PRMT3: variants seen among roughly 807,000 people sequenced by gnomAD.
PRMT3 encodes protein arginine N-methyltransferase 3.
PRMT3 carries 62 observed loss-of-function variants against 71.9 expected under a neutral mutation model. The observed-to-expected ratio is 0.86, with a 90% CI of 0.70 to 1.07. The LOEUF is 1.07. Among genes scored for constraint, PRMT3 ranks in the 50% least tolerant of loss-of-function variants. The pLI is 0.00. For missense variants in PRMT3, 663 were observed against 643.0 expected, an observed-to-expected ratio of 1.03 and a Z score of -0.34; for synonymous variants, 213 against 220.4, an observed-to-expected ratio of 0.97 and a Z score of 0.30.
In PRMT3 at chr11:20,389,775, C is replaced by T; in HGVS notation, c.196C>T (p.His66Tyr). 1 of 1,612,204 alleles carries T rather than the reference C, an allele frequency of 6.2e-7. No homozygotes were observed. Among genetic ancestry groups the T allele is most frequent in the Non-Finnish European group, 8.5e-7 (1 of 1,178,550 alleles). ...LFTSAEETFS[H>Y]CKSEHQFNID... Reference sequence around the variant, plus strand: ...CACATCTGCTGAAGAAACATTTTCACACTGTAAGTCTGAGCATCAGTTTAA... The same window carrying T: ...CACATCTGCTGAAGAAACATTTTCATACTGTAAGTCTGAGCATCAGTTTAA... Residue 66 changes from histidine to tyrosine, a missense_variant, in exon 3 of 16, where the codon CAC becomes TAC. Transcript: ENST00000331079.
intron 13 of PRMT3, 48 bp downstream of exon 13, chr11:20,464,594 G>A (rs1350302328): frequency 1.2e-6 from 2 of 1,601,500 alleles, no homozygotes; most frequent in Non-Finnish European, 1.7e-6. Flanking sequence ...CAGTGCAGTT[G>A]ATTGGCAGGC....
chr11:20,494,348 TTG>T lies in PRMT3; in HGVS notation c.1486+96_1486+97del, dbSNP rs1851285185. ...GCCACTTTTTATGTGCACACTATATTTGTTTTTTGAGACGGAGTCTCGCTGTC... is the reference window on the plus strand; with the variant it reads ...GCCACTTTTTATGTGCACACTATATTTTTTTTGAGACGGAGTCTCGCTGTC... On this transcript the variant is annotated intron_variant, in intron 15 of 15. Transcript: ENST00000331079. 4.5e-6 allele frequency: 5 copies of T among 1,119,378 alleles called. No individual in the cohort carries two copies. The Admixed American group carries it at 1.1e-4, about 24-fold the overall frequency. The allele number at this position is 1,119,378 out of a possible 1,614,324, so 69.3% of individuals were successfully genotyped here. A position where few individuals can be genotyped will look rare whatever the true frequency, so the allele number is the denominator to read the frequency against.
chr11:20,412,272 G>A (rs1044807662), intron 9 of PRMT3, among the ~76,000 whole-genome samples: 1 of 151,954 alleles, frequency 6.6e-6, no homozygotes, highest in African/African-American at 2.4e-5. Context: ...CATTATTTTT[G>A]CCAATCATTA....
At chr11:20,452,982 G>A (rs1221026067) in intron 11 of PRMT3, among the ~76,000 whole-genome samples, 1 of 152,148 alleles carries the variant, frequency 6.6e-6, no homozygotes, top group African/African-American at 2.4e-5. Flanking sequence ...TGAATGGCAT[G>A]TTCCTCCTTC....
intron 13 of PRMT3, among the ~76,000 whole-genome samples, chr11:20,471,519 T>C (rs1009029621): frequency 6.6e-6 from 1 of 152,132 alleles, no homozygotes; most frequent in African/African-American, 2.4e-5. Context: ...ATCAGTTGAT[T>C]GAAGGTGTGA....
At chr11:20,404,233 T>TGTTTTGTTTTGTTTTGA (rs1849020156) in intron 8 of PRMT3, among the ~76,000 whole-genome samples, 1 of 109,736 alleles carries the variant, frequency 9.1e-6, no homozygotes, top group Non-Finnish European at 1.9e-5. Context: ...TTTTTTTTTT[T>TGTTTTGTTTTGTTTTGA]TTTTTTTTTT....
chr11:20,494,774 A>G (rs1243754909), intron 15 of PRMT3, among the ~76,000 whole-genome samples: 1 of 152,256 alleles, frequency 6.6e-6, no homozygotes, highest in Non-Finnish European at 1.5e-5. Context: ...ACTAAAATAA[A>G]TAAGACTACC....
chr11:20,396,652 G>C (rs1282459433), intron 6 of PRMT3, among the ~76,000 whole-genome samples: 2 of 152,072 alleles, frequency 1.3e-5, no homozygotes, highest in African/African-American at 2.4e-5. Context: ...GGGTCGGTGG[G>C]GGGGAATCAG....
intron 15 of PRMT3, among the ~76,000 whole-genome samples, chr11:20,504,707 T>TGAGAGAGAGAGAGAGAGAGA (rs57201745): frequency 4.5e-5 from 6 of 133,642 alleles, no homozygotes; most frequent in African/African-American, 1.5e-4. Flanking sequence ...TGTGTGTGTG[T>TGAGAGAGAGAGAGAGAGAGA]GAGAGAGAGA....
At chr11:20,403,525 G>T (rs1369531786) in intron 8 of PRMT3, among the ~76,000 whole-genome samples, 1 of 151,826 alleles carries the variant, frequency 6.6e-6, no homozygotes, top group Non-Finnish European at 1.5e-5. Flanking sequence ...TTTAAAAAAT[G>T]ATCTTATACC....
chr11:20,404,752 T>C (rs1008926325), intron 8 of PRMT3, among the ~76,000 whole-genome samples: 1 of 152,200 alleles, frequency 6.6e-6, no homozygotes, highest in Non-Finnish European at 1.5e-5. Flanking sequence ...GAACCAGTTA[T>C]ATACTTTTGG....
chr11:20,486,152 A>G (rs148611630), intron 13 of PRMT3, among the ~76,000 whole-genome samples: 12 of 152,358 alleles, frequency 7.9e-5, no homozygotes, highest in African/African-American at 2.9e-4. Context: ...CAGAATAGGT[A>G]TATTTGTAGA....
chr11:20,442,448 G>A (rs1190676238), intron 10 of PRMT3, among the ~76,000 whole-genome samples: 2 of 151,706 alleles, frequency 1.3e-5, no homozygotes, highest in Non-Finnish European at 2.9e-5. Context: ...ATCTTCCTTT[G>A]TGGATAGATG....
intron 13 of PRMT3, among the ~76,000 whole-genome samples, chr11:20,479,528 G>A (rs76409515): frequency 0.03 from 4,543 of 152,152 alleles, 228 homozygotes; most frequent in African/African-American, 0.1. Flanking sequence ...GAAAATGTCC[G>A]TCTTTTTACA....
In PRMT3 at chr11:20,480,249, C is replaced by T. The variant is rs996947618; in HGVS notation, c.1348-13670C>T. On this transcript the variant is annotated intron_variant, in intron 13 of 15. Transcript: ENST00000331079. ...TGGGTAGTGGTTATACAAGTGTGTTCACCTTGAAAAAGTTCACTGAGCTGC... is the reference window on the plus strand; with the variant it reads ...TGGGTAGTGGTTATACAAGTGTGTTTACCTTGAAAAAGTTCACTGAGCTGC... 2.0e-5 allele frequency among the ~76,000 whole-genome samples: 3 copies of T among 152,146 alleles called. No individual in the cohort carries two copies. In the South Asian group the frequency reaches 6.2e-4, roughly 32 times the overall value.
intron 11 of PRMT3, among the ~76,000 whole-genome samples, chr11:20,458,382 A>G (rs1433523626): frequency 2.0e-5 from 3 of 152,172 alleles, no homozygotes; most frequent in Non-Finnish European, 4.4e-5. Context: ...ATCTTTATCT[A>G]TTCACCATGT....
intron 15 of PRMT3, among the ~76,000 whole-genome samples, chr11:20,495,918 C>T (rs1249908760): frequency 6.6e-6 from 1 of 152,186 alleles, no homozygotes; most frequent in Non-Finnish European, 1.5e-5. Flanking sequence ...GAAGAAAATA[C>T]ATAAAGTTTA....
chr11:20,424,201 A>G (rs897416208), intron 9 of PRMT3, among the ~76,000 whole-genome samples: 5 of 138,988 alleles, frequency 3.6e-5, no homozygotes, highest in Non-Finnish European at 7.9e-5. Flanking sequence ...AAAAAAAAAA[A>G]TTGATATGGG....
At chr11:20,427,668 G>T (rs1370829652) in intron 10 of PRMT3, among the ~76,000 whole-genome samples, 1 of 152,138 alleles carries the variant, frequency 6.6e-6, no homozygotes, top group Non-Finnish European at 1.5e-5. Context: ...GGAGGTTGCA[G>T]TGAGCCAGGA....
Sources: allele counts gnomAD v4.1 joint callset (sites outside exome capture counted in the v4.1 genomes callset), GRCh38; gene constraint gnomAD v4.1.1; transcripts MANE v1.5; gene names NCBI Gene and HGNC (gene_info 2026-07-23, HGNC 2026-07-21).